Variants in BICDL1 observed in about 807,000 individuals in gnomAD.
BICDL1 encodes the protein BICD family-like cargo adapter 1.
In BICDL1, 20 loss-of-function variants were observed where a neutral mutation model predicts 76.8. That is an observed-to-expected ratio of 0.26 (90% CI 0.18 to 0.38). BICDL1 has a LOEUF of 0.38. BICDL1 is among the 10% of genes least tolerant of loss of function. The pLI is 1.00. For synonymous variants in BICDL1, 383 were observed against 337.1 expected, an observed-to-expected ratio of 1.14 and a Z score of -1.49; for missense variants, 700 against 798.6, an observed-to-expected ratio of 0.88 and a Z score of 1.49.
intron 1 of BICDL1, among the ~76,000 whole-genome samples, chr12:119,996,145 T>TAC (rs1420267373): frequency 6.6e-6 from 1 of 152,204 alleles, no homozygotes; most frequent in African/African-American, 2.4e-5. Flanking sequence ...TTTCAACAGA[T>TAC]ACACTCGAGT....
Position 120,079,786 on chromosome 12 carries a change from A to G in BICDL1, c.1453-1101A>G, listed in dbSNP as rs952639815. On this transcript the variant is annotated intron_variant, in intron 7 of 9. Transcript: ENST00000548673. This position sits in a 1 kb window ranked among gnomAD's most constrained non-coding sequence, Gnocchi z 4.3. ...TCCAAAACAAGAAAGGGCCATGGGA[A>G]AAGGGACAACAAACAAACTGCCGCC... Among the ~76,000 whole-genome samples, 1 of 152,242 alleles carries G rather than the reference A, an allele frequency of 6.6e-6. No homozygotes were observed. The highest frequency in any genetic ancestry group is 6.5e-5 in the Admixed American group (1 of 15,290).
At chr12:120,038,631 C>A (rs962772422) in intron 2 of BICDL1, among the ~76,000 whole-genome samples, 4 of 151,992 alleles carry the variant, frequency 2.6e-5, no homozygotes, top group African/African-American at 9.7e-5. Flanking sequence ...GATTGATTGG[C>A]TGTTGTGAGC....
chr12:120,026,898 C>T (rs1399777240), intron 2 of BICDL1, among the ~76,000 whole-genome samples: 6 of 152,140 alleles, frequency 3.9e-5, no homozygotes, highest in African/African-American at 1.4e-4. Flanking sequence ...CCTACCCGCA[C>T]ATCCAACTGA....
At chr12:119,999,362 A>G (rs577130673) in intron 2 of BICDL1, among the ~76,000 whole-genome samples, 15 of 152,326 alleles carry the variant, frequency 9.8e-5, no homozygotes, top group South Asian at 4.1e-4. Context: ...TACTTTACCT[A>G]TGAAAGTCTA....
chr12:120,091,491 G>C (rs1021402347), intron 9 of BICDL1: 1 of 992,044 alleles, frequency 1.0e-6, no homozygotes, highest in African/African-American at 1.8e-5. Context: ...ACTGTGCCAA[G>C]GATCATATAC....
intron 8 of BICDL1, among the ~76,000 whole-genome samples, chr12:120,083,408 G>A (rs909885913): frequency 8.6e-5 from 13 of 151,704 alleles, no homozygotes; most frequent in Middle Eastern, 3.4e-3. Flanking sequence ...ACAGGTGCAC[G>A]CCACCACACC....
At chr12:120,074,762 C>G (rs1873402206) in intron 7 of BICDL1, among the ~76,000 whole-genome samples, 176 bp downstream of exon 7, 1 of 152,186 alleles carries the variant, frequency 6.6e-6, no homozygotes, top group Non-Finnish European at 1.5e-5. Flanking sequence ...AGAGAAGAAC[C>G]CAGTCCTTTA....
intron 2 of BICDL1, among the ~76,000 whole-genome samples, chr12:120,012,034 T>G (rs1566214181): frequency 6.6e-6 from 1 of 152,224 alleles, no homozygotes; most frequent in Admixed American, 6.5e-5. Flanking sequence ...AGTAGAGAGA[T>G]AGTCTCACAT....
intron 2 of BICDL1, among the ~76,000 whole-genome samples, chr12:120,046,306 A>G (rs540087435): frequency 1.3e-5 from 2 of 152,204 alleles, no homozygotes; most frequent in Admixed American, 1.3e-4. Context: ...CTTACATTTA[A>G]TCTGTTAGAC....
chr12:120,087,874 A>C (rs1246081953), intron 8 of BICDL1, among the ~76,000 whole-genome samples: 1 of 152,280 alleles, frequency 6.6e-6, no homozygotes, highest in Non-Finnish European at 1.5e-5. Flanking sequence ...ATCAGTAATC[A>C]TCACCCAGAG....
intron 2 of BICDL1, among the ~76,000 whole-genome samples, chr12:120,027,200 T>G (rs1952325051): frequency 6.6e-6 from 1 of 151,596 alleles, no homozygotes; most frequent in South Asian, 2.1e-4. Flanking sequence ...CTGGCTAATT[T>G]TTTGTATTTT....
chr12:120,092,391 G>C, intron 9 of BICDL1: 1 of 985,466 alleles, frequency 1.0e-6, no homozygotes, highest in Non-Finnish European at 1.2e-6. Context: ...AAGACCGTGA[G>C]GCCCCTGGCC....
rs1873387844 is a variant in BICDL1 at position 120,074,564 on chromosome 12, AGCT to A, written c.1433_1435del (p.Leu478del). On this transcript the variant is annotated inframe_deletion, in exon 7 of 10. Transcript: ENST00000548673. ...GGTAAACTGAGGCAAAGCCTAGAAG[AGCT>A]GCAGCGACTCCACAGTCAGGTGAGC... The A allele has an allele frequency of 8.0e-7, 1 of 1,247,432 alleles. No homozygotes were observed. Among genetic ancestry groups the A allele is most frequent in the Non-Finnish European group, 1.0e-6 (1 of 967,562 alleles). The allele number at this position is 1,247,432 out of a possible 1,614,324, so 77.3% of individuals were successfully genotyped here. A position where few individuals can be genotyped will look rare whatever the true frequency, so the allele number is the denominator to read the frequency against.
rs1399023493 is a variant in BICDL1 at position 120,094,059 on chromosome 12, C to T, written c.*898C>T. 1 of 387,902 alleles carries T rather than the reference C, an allele frequency of 2.6e-6. No homozygotes were observed. The highest frequency in any genetic ancestry group is 5.1e-6 in the Non-Finnish European group (1 of 196,134). The allele number at this position is 387,902 out of a possible 1,614,324, so 24.0% of individuals were successfully genotyped here. Reference sequence around the variant, plus strand: ...CACCAGAGGGGTCTGTGGTCAGCCACCCCACCTTGAGGGCAGCACAGGCAC... The same window carrying T: ...CACCAGAGGGGTCTGTGGTCAGCCATCCCACCTTGAGGGCAGCACAGGCAC... On this transcript the variant is annotated 3_prime_UTR_variant, in exon 10 of 10. Coordinates refer to ENST00000548673, the MANE Select transcript of BICDL1 (RefSeq NM_001367886.1).
chr12:120,088,003 C>A (rs1383556851), intron 8 of BICDL1, among the ~76,000 whole-genome samples: 1 of 152,032 alleles, frequency 6.6e-6, no homozygotes, highest in Non-Finnish European at 1.5e-5. Flanking sequence ...GATCTTGGCT[C>A]ACTGTAACCT....
intron 4 of BICDL1, among the ~76,000 whole-genome samples, chr12:120,070,344 T>A (rs948653440): frequency 3.3e-5 from 5 of 152,210 alleles, no homozygotes; most frequent in African/African-American, 1.2e-4. Context: ...TGTGTGTGTT[T>A]GATTATTTAT....
At position 120,091,080 on chromosome 12, in the gene BICDL1, C is replaced by T. The variant is rs574371019; in HGVS notation, c.1704+1009C>T. The T allele has an allele frequency of 1.6e-5, 20 of 1,284,628 alleles. No individual in the cohort carries two copies. The African/African-American group carries it at 2.3e-4, about 15-fold the overall frequency. The allele number at this position is 1,284,628 out of a possible 1,614,324, so 79.6% of individuals were successfully genotyped here. ...CCCTGCCATTGCTGTGCTGCCCCGC[C>T]GCCTCCCCTCATGGCCCACTGTGTT... On this transcript the variant is annotated intron_variant, in intron 9 of 9. Coordinates refer to ENST00000548673, the MANE Select transcript of BICDL1 (RefSeq NM_001367886.1).
At chr12:120,078,043 C>T (rs184136294) in intron 7 of BICDL1, among the ~76,000 whole-genome samples, 58 of 152,304 alleles carry the variant, frequency 3.8e-4, no homozygotes, top group African/African-American at 1.3e-3. Flanking sequence ...CCCATGCTAC[C>T]CACACCTGGG....
rs746917062 is a variant in BICDL1, at chr12:119,990,267, G to C, written c.399G>C (p.Gln133His). ...AGGACATGAGCCGGCAGTACGAGCA[G>C]ATGCATAAGGAGCTGACAGACAAGC... Reference protein sequence around the residue: ...RNQDMSRQYEQMHKELTDKLE... With the variant: ...RNQDMSRQYEHMHKELTDKLE... The change falls in exon 1 of 10, where the codon CAG becomes CAC. Residue 133 changes from glutamine (Q) to histidine (H), a missense_variant. Transcript: ENST00000548673. The C allele has an allele frequency of 1.9e-6, 3 of 1,574,224 alleles. No individual in the cohort carries two copies. The African/African-American group carries it at 4.1e-5, about 21-fold the overall frequency.
Sources: allele counts gnomAD v4.1 joint callset (sites outside exome capture counted in the v4.1 genomes callset), GRCh38; gene constraint gnomAD v4.1.1; non-coding constraint Gnocchi (gnomAD v3.1); transcripts MANE v1.5; gene names NCBI Gene and HGNC (gene_info 2026-07-23, HGNC 2026-07-21).